PCDHGB2: variants seen among roughly 807,000 people sequenced by gnomAD.
PCDHGB2 encodes protocadherin gamma subfamily B, 2.
Under a neutral mutation model 59.3 loss-of-function variants are expected in PCDHGB2, and 55 were observed. The observed-to-expected ratio is 0.93, with a 90% CI of 0.75 to 1.16. The LOEUF is 1.16. Among genes scored for constraint, PCDHGB2 ranks in the 50% most tolerant of loss-of-function variants. The pLI is 0.00. For missense variants in PCDHGB2, 1,228 were observed against 1,198.5 expected, an observed-to-expected ratio of 1.02 and a Z score of -0.36; for synonymous variants, 516 against 512.0, an observed-to-expected ratio of 1.01 and a Z score of -0.11.
intron 2 of PCDHGB2, among the ~76,000 whole-genome samples, chr5:141,501,236 G>T (rs571684337): frequency 5.5e-4 from 83 of 150,782 alleles, no homozygotes; most frequent in African/African-American, 2.0e-3. Context: ...TCAGTTTTTT[G>T]AGCATGATGT....
At chr5:141,494,752 T>G (rs889400984) in intron 1 of PCDHGB2, 55 bp from the exon 2 acceptor site, 6 of 1,612,324 alleles carry the variant, frequency 3.7e-6, no homozygotes, top group East Asian at 2.2e-5. Flanking sequence ...GGGGCTCGGG[T>G]GACATTCTAA....
At chr5:141,389,811 G>A in intron 1 of PCDHGB2, 1 of 1,613,822 alleles carries the variant, frequency 6.2e-7, no homozygotes, top group Non-Finnish European at 8.5e-7. Flanking sequence ...CCTTCTGGTC[G>A]CCGTGCGTGA....
At chr5:141,424,746 T>TTA (rs1392854638) in intron 1 of PCDHGB2, 1 of 152,214 alleles carries the variant, frequency 6.6e-6, no homozygotes, top group Non-Finnish European at 1.5e-5. Flanking sequence ...CTTTCTTTCT[T>TTA]TATAAGGTCA....
intron 1 of PCDHGB2, chr5:141,370,545 G>T (rs768607566): frequency 6.2e-7 from 1 of 1,613,866 alleles, no homozygotes; most frequent in Non-Finnish European, 8.5e-7. Flanking sequence ...AGGGAACCTC[G>T]CCAAGGACCT....
intron 1 of PCDHGB2, chr5:141,419,128 A>T (rs1298102722): frequency 1.2e-6 from 2 of 1,613,768 alleles, no homozygotes; most frequent in East Asian, 2.2e-5. Flanking sequence ...TCACCATCGC[A>T]GCCACAGACA....
intron 1 of PCDHGB2, among the ~76,000 whole-genome samples, chr5:141,439,371 TA>T (rs1008614540): frequency 7.2e-5 from 11 of 152,034 alleles, no homozygotes; most frequent in Non-Finnish European, 1.0e-4. Flanking sequence ...CAAGAAGAAA[TA>T]AAAATAAGTC....
chr5:141,398,367 G>A, intron 1 of PCDHGB2: 1 of 1,430,476 alleles, frequency 7.0e-7, no homozygotes, highest in Non-Finnish European at 9.7e-7. Context: ...TGAGCGCAGA[G>A]AGCGGGGAGT....
intron 1 of PCDHGB2, among the ~76,000 whole-genome samples, chr5:141,466,449 T>C (rs2154569205): frequency 6.6e-6 from 1 of 152,358 alleles, no homozygotes; most frequent in Admixed American, 6.5e-5. Flanking sequence ...ATGTCTATGG[T>C]GTTGGCTATT....
chr5:141,374,644 T>C (rs767129187), intron 1 of PCDHGB2: 85 of 1,612,642 alleles, frequency 5.3e-5, no homozygotes, highest in Middle Eastern at 3.3e-4. Context: ...GCGAAGCCCA[T>C]GGGCCCAAGT....
In PCDHGB2 at chr5:141,388,840, C is replaced by A. The variant is rs764876092; in HGVS notation, c.2421+26284C>A. The stretch of plus-strand genomic sequence containing the variant: ...AAAGAATATTCCATAGTTTTGGAAG[C>A]AAGGGACGGTGGAGGAATGATTGCG... On this transcript the variant is annotated intron_variant, in intron 1 of 3. Coordinates refer to ENST00000522605, the MANE Select transcript of PCDHGB2 (RefSeq NM_018923.3). 4 of 1,613,900 alleles carry A rather than the reference C, an allele frequency of 2.5e-6. No homozygotes were observed. The South Asian group carries it at 4.4e-5, about 18-fold the overall frequency.
intron 1 of PCDHGB2, chr5:141,394,275 A>T: frequency 6.2e-7 from 1 of 1,613,910 alleles, no homozygotes; most frequent in Non-Finnish European, 8.5e-7. Context: ...TGCCCAGGTC[A>T]CTTACTCTGT....
intron 2 of PCDHGB2, among the ~76,000 whole-genome samples, chr5:141,498,994 AAGGAAGGAAGG>A (rs2099788184): frequency 2.0e-5 from 3 of 148,560 alleles, no homozygotes; most frequent in Non-Finnish European, 4.5e-5. Flanking sequence ...GGAAGGAAGG[AAGGAAGGAAGG>A]AAGGAAGGAA....
Position 141,432,732 on chromosome 5 carries a change from T to G in PCDHGB2, c.2422-62075T>G, listed in dbSNP as rs1300743675. 2.5e-6 allele frequency: 4 copies of G among 1,613,940 alleles called. No individual in the cohort carries two copies. Among genetic ancestry groups the G allele is most frequent in the Non-Finnish European group, 3.4e-6 (4 of 1,179,992 alleles). On this transcript the variant is annotated intron_variant, in intron 1 of 3. Coordinates refer to ENST00000522605, the MANE Select transcript of PCDHGB2 (RefSeq NM_018923.3). This position sits in a 1 kb window ranked among gnomAD's most constrained non-coding sequence, Gnocchi z 6.0. ...GGCCAGCCCCCTCTCTCCGCCACTG[T>G]CACGCTCACCGTGGCCGTGGCCGAC...
At position 141,362,510 on chromosome 5, in the gene PCDHGB2, A is replaced by C; in HGVS notation, c.2375A>C (p.Asn792Thr). The change falls in exon 1 of 4, where the codon AAT becomes ACT. Residue 792 changes from asparagine to threonine, a missense_variant. By Grantham distance (65) the Asn-to-Thr change is moderately conservative. Coordinates refer to ENST00000522605, the MANE Select transcript of PCDHGB2 (RefSeq NM_018923.3). ...CDNASWEQNT[N>T]HGAAGVPFAS... ...AATGCCTCTTGGGAACAAAATACAA[A>C]TCATGGAGCCGCTGGGGTCCCTTTT... 6.2e-7 allele frequency: 1 copy of C among 1,613,948 alleles called. No homozygotes were observed. Among genetic ancestry groups the C allele is most frequent in the Non-Finnish European group, 8.5e-7 (1 of 1,179,886 alleles).
In PCDHGB2 at chr5:141,365,508, A is replaced by G. The variant is rs781290416; in HGVS notation, c.2421+2952A>G. On this transcript the variant is annotated intron_variant, in intron 1 of 3. Transcript: ENST00000522605. Reference sequence around the variant, plus strand: ...TCTATTCCTAGGAATTTGCCTTTTAAATTGGAGAAGTCAGTTGATAATTAC... The same window carrying G: ...TCTATTCCTAGGAATTTGCCTTTTAGATTGGAGAAGTCAGTTGATAATTAC... The G allele has an allele frequency of 2.2e-5, 35 of 1,613,930 alleles. No homozygotes were observed. The South Asian group carries it at 3.8e-4, about 18-fold the overall frequency.
At position 141,432,872 on chromosome 5, in the gene PCDHGB2, C is replaced by T; in HGVS notation, c.2422-61935C>T. On this transcript the variant is annotated intron_variant, in intron 1 of 3. Transcript: ENST00000522605. This position sits in a 1 kb window ranked among gnomAD's most constrained non-coding sequence, Gnocchi z 6.0. ...GGTGGCCGCGGTCTCCTGCGTCTTC[C>T]TGGCCTTCGTCATCTTGCTGCTGGC... is the stretch of plus-strand genomic sequence containing the variant. 1.9e-6 allele frequency: 3 copies of T among 1,614,192 alleles called. No homozygotes were observed. Among genetic ancestry groups the T allele is most frequent in the Non-Finnish European group, 2.5e-6 (3 of 1,180,018 alleles).
Position 141,431,151 on chromosome 5 carries a change from C to T in PCDHGB2, c.2422-63656C>T, listed in dbSNP as rs764416448. The T allele has an allele frequency of 6.2e-7, 1 of 1,614,126 alleles. No individual in the cohort carries two copies. Among genetic ancestry groups the T allele is most frequent in the African/African-American group, 1.3e-5 (1 of 74,954 alleles). On this transcript the variant is annotated intron_variant, in intron 1 of 3. Coordinates refer to ENST00000522605, the MANE Select transcript of PCDHGB2 (RefSeq NM_018923.3). The surrounding 1 kb of genome is among the most constrained non-coding windows in gnomAD (Gnocchi z 4.8). ...GTAAGGGACATTAACGACAATGCGC[C>T]TTACTTTCGTGAAAGTGAATTAGAA...
intron 1 of PCDHGB2, chr5:141,385,358 T>G: frequency 6.5e-7 from 1 of 1,546,418 alleles, no homozygotes; most frequent in South Asian, 1.3e-5. Context: ...CCATGAGGAA[T>G]TTATTTGCAT....
intron 1 of PCDHGB2, chr5:141,373,987 G>C: frequency 8.3e-7 from 1 of 1,199,482 alleles, no homozygotes; most frequent in South Asian, 2.3e-5. Flanking sequence ...GTCTCTGCTT[G>C]TTGAAGGACC....
Sources: allele counts gnomAD v4.1 joint callset (sites outside exome capture counted in the v4.1 genomes callset), GRCh38; gene constraint gnomAD v4.1.1; non-coding constraint Gnocchi (gnomAD v3.1); transcripts MANE v1.5; gene names NCBI Gene and HGNC (gene_info 2026-07-23, HGNC 2026-07-21).